Variants in IPO4 observed in about 807,000 individuals in gnomAD.
IPO4 encodes the protein importin 4, also known as importin-4.
In IPO4, 91 loss-of-function variants were observed where a neutral mutation model predicts 133.5. The observed-to-expected ratio is 0.68, with a 90% CI of 0.58 to 0.81. The LOEUF is 0.81. Among genes scored for constraint, IPO4 ranks in the 30% least tolerant of loss-of-function variants. The probability of loss-of-function intolerance (pLI) is 0.00; values close to 1 mark genes in which losing one functional copy is unlikely to be tolerated. For synonymous variants in IPO4, 607 were observed against 581.6 expected (o/e 1.04, Z -0.63); for missense variants, 1,279 against 1,386.2 (o/e 0.92, Z 1.23).
At position 24,185,330 on chromosome 14, in the gene IPO4, C is replaced by A; in HGVS notation, c.1279-18G>T. 3.1e-6 allele frequency: 5 copies of A among 1,613,894 alleles called. No individual in the cohort carries two copies. Among genetic ancestry groups the A allele is most frequent in the Non-Finnish European group, 4.2e-6 (5 of 1,179,872 alleles). On this transcript the variant is annotated intron_variant, in intron 13 of 29. Transcript: ENST00000354464. ...ATATGGGGCTGGGGGAGGGAGCAAG[C>A]AGGGCCTGAGTCAGGTTCACCTGCC...
intron 2 of IPO4, 53 bp from the exon 3 acceptor site, chr14:24,188,476 A>T: frequency 6.2e-7 from 1 of 1,608,340 alleles, no homozygotes; most frequent in Non-Finnish European, 8.5e-7. Flanking sequence ...TGCTGAGCGG[A>T]CCGCAGTGGG....
In IPO4 at chr14:24,180,538, G is replaced by A. The variant is rs757755299; in HGVS notation, c.3150C>T (p.Phe1050=). 2.5e-6 allele frequency: 4 copies of A among 1,614,162 alleles called. No individual in the cohort carries two copies. The change falls in exon 30 of 30, where the codon TTC becomes TTT. Residue 1050 remains phenylalanine (F), a synonymous_variant. Transcript: ENST00000354464. The part of the protein sequence containing the change: ...TKAALLLLLT[F]LAKQHTDSFQ... ...AGCTGTCGGTGTGCTGTTTGGCCAG[G>A]AACGTCAGGAGCAGCAACAGTGCGG...
Position 24,181,961 on chromosome 14 carries a change from G to T in IPO4, c.2801C>A (p.Ala934Asp). The T allele has an allele frequency of 6.2e-7, 1 of 1,610,928 alleles. No individual in the cohort carries two copies. ...TCCTGCGAGCCAAGGATACTCCTGG[G>T]CAGGGTGGCCCCCATGCTCTGCCAG... ...GVLAEHGGHP[A>D]QEHFPKLLGL... Residue 934 changes from alanine to aspartate, a missense_variant, in exon 26 of 30, where the codon GCC (alanine) becomes GAC (aspartate). This residue lies in a region of IPO4 where 575 missense variants were observed against 653.4 expected (regional missense o/e 0.88). Coordinates refer to ENST00000354464, the MANE Select transcript of IPO4 (RefSeq NM_024658.4).
chr14:24,181,953 A>G lies in IPO4; in HGVS notation c.2807+2T>C. On this transcript the variant is annotated splice_donor_variant, in intron 26 of 29. Coordinates refer to ENST00000354464, the MANE Select transcript of IPO4 (RefSeq NM_024658.4). LOFTEE classifies it high-confidence loss of function. ...CCCTCCCGTCCTGCGAGCCAAGGAT[A>G]CTCCTGGGCAGGGTGGCCCCCATGC... 6.2e-7 allele frequency: 1 copy of G among 1,610,182 alleles called. No homozygotes were observed. Among genetic ancestry groups the G allele is most frequent in the Non-Finnish European group, 8.5e-7 (1 of 1,179,896 alleles).
rs1348655089 is a variant in IPO4, at chr14:24,182,464, C to T, written c.2473-61G>A. The T allele has an allele frequency of 3.2e-6, 5 of 1,566,372 alleles. No homozygotes were observed. In the South Asian group the frequency reaches 5.8e-5, roughly 18 times the overall value. On this transcript the variant is annotated intron_variant, in intron 24 of 29. Transcript: ENST00000354464. Reference sequence around the variant, plus strand: ...CAGCTCAGTGACTGTACACCTCCCTCCCACGCTCTGCCACCAGCTGCAGGG... The same window carrying T: ...CAGCTCAGTGACTGTACACCTCCCTTCCACGCTCTGCCACCAGCTGCAGGG...
Position 24,183,370 on chromosome 14 carries a change from G to A in IPO4, c.2122-15C>T, listed in dbSNP as rs753617001. 9.4e-6 allele frequency: 15 copies of A among 1,601,450 alleles called. No individual in the cohort carries two copies. Among genetic ancestry groups the A allele is most frequent in the Admixed American group, 1.7e-5 (1 of 57,912 alleles). On this transcript the variant is annotated splice_polypyrimidine_tract_variant and intron_variant, in intron 21 of 29. Transcript: ENST00000354464. ...AGGTGAGGGCACTGCAGGATGAGGA[G>A]GGGCGGGATATGTCTGCTATGTGCA...
Position 24,181,556 on chromosome 14 carries a change from ATGG to A in IPO4, c.2999_3001del (p.Thr1000del), listed in dbSNP as rs1201840469. The A allele has an allele frequency of 6.2e-7, 1 of 1,602,428 alleles. No homozygotes were observed. On this transcript the variant is annotated inframe_deletion, in exon 28 of 30. Transcript: ENST00000354464. The stretch of plus-strand genomic sequence containing the variant: ...GTACAGGAAGCTGAAGAGGCGCCCA[ATGG>A]TGACCCACTCCTCCAAGTCCTCCTT...
At chr14:24,180,609 A>ACG in intron 29 of IPO4, 37 bp from the exon 30 acceptor site, 3 of 1,611,956 alleles carry the variant, frequency 1.9e-6, no homozygotes, top group Non-Finnish European at 2.5e-6. Flanking sequence ...CGGGGCTCCT[A>ACG]AAGCCTCGCT....
At chr14:24,182,593 A>G (rs1170237006) in intron 24 of IPO4, 190 bp from the exon 25 acceptor site, 3 of 952,018 alleles carry the variant, frequency 3.2e-6, no homozygotes, top group Non-Finnish European at 4.9e-6. Flanking sequence ...CTATCACTCC[A>G]AGCACACCCC....
chr14:24,185,358 G>C (rs1481196032), intron 13 of IPO4, 46 bp from the exon 14 acceptor site: 1 of 1,613,558 alleles, frequency 6.2e-7, no homozygotes, highest in Admixed American at 1.7e-5. Flanking sequence ...CACCTGCCGG[G>C]CACACACAAG....
At chr14:24,188,311 G>C (rs1331462125) in intron 3 of IPO4, 33 bp downstream of exon 3, 2 of 1,612,742 alleles carry the variant, frequency 1.2e-6, no homozygotes, top group African/African-American at 2.7e-5. Context: ...AAAAGTCTCC[G>C]CCTGGCCCCG....
rs774301543 is a variant in IPO4, at chr14:24,180,582, G to C, written c.3116-10C>G. ...AGTGCGGCCTTGGTGTCTGGGTGGA[G>C]AGGGAGGGAGAAAGGTCGGGGCTCC... On this transcript the variant is annotated splice_polypyrimidine_tract_variant and intron_variant, in intron 29 of 29. Coordinates refer to ENST00000354464, the MANE Select transcript of IPO4 (RefSeq NM_024658.4). The C allele has an allele frequency of 6.2e-7, 1 of 1,613,322 alleles. No individual in the cohort carries two copies. Among genetic ancestry groups the C allele is most frequent in the East Asian group, 2.2e-5 (1 of 44,862 alleles).
At position 24,180,385 on chromosome 14, in the gene IPO4, G is replaced by T; in HGVS notation, c.*57C>A. 1 of 1,574,296 alleles carries T rather than the reference G, an allele frequency of 6.4e-7. No homozygotes were observed. Reference sequence around the variant, plus strand: ...AAGGCAGAACTGAACTGGGCTGAGAGGTGGTCTTAAGGCCTGGGCAGGCTC... The same window carrying T: ...AAGGCAGAACTGAACTGGGCTGAGATGTGGTCTTAAGGCCTGGGCAGGCTC... On this transcript the variant is annotated 3_prime_UTR_variant, in exon 30 of 30. Transcript: ENST00000354464.
Position 24,180,282 on chromosome 14 carries a change from G to C in IPO4, c.*160C>G. The C allele has an allele frequency of 1.3e-6, 2 of 1,527,230 alleles. No individual in the cohort carries two copies. Among genetic ancestry groups the C allele is most frequent in the Non-Finnish European group, 1.8e-6 (2 of 1,132,294 alleles). 94.6% of individuals were successfully genotyped at this position (1,527,230 alleles called of 1,614,324 possible). A position where few individuals can be genotyped will look rare whatever the true frequency, so the allele number is the denominator to read the frequency against. ...ATGATGTCATGACTCATTTGTAACAGATCCAGCCTCAGGGACAGCCCTGTA... is the reference window on the plus strand; with the variant it reads ...ATGATGTCATGACTCATTTGTAACACATCCAGCCTCAGGGACAGCCCTGTA... On this transcript the variant is annotated 3_prime_UTR_variant, in exon 30 of 30. Coordinates refer to ENST00000354464, the MANE Select transcript of IPO4 (RefSeq NM_024658.4).
chr14:24,183,431 C>T (rs2039171328), intron 21 of IPO4, 25 bp downstream of exon 21: 2 of 1,601,758 alleles, frequency 1.2e-6, no homozygotes, highest in South Asian at 2.2e-5. Context: ...AGAACCCCAC[C>T]CACTCCACCC....
intron 17 of IPO4, 27 bp from the exon 18 acceptor site, chr14:24,184,136 T>C (rs1295270957): frequency 6.2e-7 from 1 of 1,600,918 alleles, no homozygotes; most frequent in Non-Finnish European, 8.5e-7. Flanking sequence ...GAAGAAGCTG[T>C]AAGGTCCTGC....
chr14:24,182,681 C>T, intron 24 of IPO4, 111 bp downstream of exon 24: 3 of 1,239,316 alleles, frequency 2.4e-6, no homozygotes, highest in Non-Finnish European at 3.6e-6. Flanking sequence ...CATTACCAGT[C>T]TCTTTTAGTG....
In IPO4 at chr14:24,181,541, C is replaced by A; in HGVS notation, c.3017G>T (p.Ser1006Ile). ...GTCAGGGCTGCTCTGGTACAGGAAG[C>A]TGAAGAGGCGCCCAATGGTGACCCA... is the stretch of plus-strand genomic sequence containing the variant. ...EEWVTIGRLF[S>I]FLYQSSPDQV... is the part of the protein sequence containing the mutation. The change falls in exon 28 of 30, where the codon AGC becomes ATC. Residue 1006 changes from serine (S) to isoleucine (I), a missense_variant. This residue lies in a region of IPO4 where 575 missense variants were observed against 653.4 expected (regional missense o/e 0.88). Transcript: ENST00000354464. The A allele has an allele frequency of 6.3e-7, 1 of 1,582,134 alleles. No individual in the cohort carries two copies.
intron 12 of IPO4, 125 bp from the exon 13 acceptor site, chr14:24,185,692 C>T: frequency 3.0e-6 from 3 of 989,706 alleles, no homozygotes; most frequent in South Asian, 1.4e-5. Context: ...TGGGCAGCAG[C>T]CCCTGGTCCC....
Sources: gnomAD v4.1 joint callset for allele counts on GRCh38, gnomAD v4.1.1 for gene constraint, gnomAD v4.1.1 regional missense constraint, MANE v1.5 for transcripts, NCBI Gene and HGNC (gene_info 2026-07-23, HGNC 2026-07-21) for gene names.